The following CNTLN variants were observed in gnomAD, a reference collection of about 807,000 sequenced individuals.
The protein encoded by CNTLN is centlein, centrosomal protein.
A neutral mutation model predicts 180.0 loss-of-function variants in CNTLN; 212 were observed. That is an observed-to-expected ratio of 1.18 (90% confidence interval 1.05 to 1.32). CNTLN has a LOEUF of 1.32. Ranked by LOEUF, CNTLN falls within the 40% of genes most tolerant of loss-of-function variation. The pLI, the probability that CNTLN is intolerant of heterozygous loss-of-function variation, is 0.00. For synonymous variants in CNTLN, 722 were observed against 563.1 expected, an observed-to-expected ratio of 1.28 and a Z score of -3.99; for missense variants, 2,095 against 1,610.9, an observed-to-expected ratio of 1.30 and a Z score of -5.14.
At chr9:17,412,501 C>T (rs1310643463) in intron 16 of CNTLN, among the ~76,000 whole-genome samples, 2 of 152,142 alleles carry the variant, frequency 1.3e-5, no homozygotes. Context: ...GAAATTGATA[C>T]ATGTTTAGTA....
At chr9:17,273,900 G>A (rs559658585) in intron 6 of CNTLN, 34 bp downstream of exon 6, 2 of 1,434,430 alleles carry the variant, frequency 1.4e-6, no homozygotes, top group Admixed American at 4.9e-5. Context: ...TAACATCATA[G>A]AAATGTCATT....
intron 6 of CNTLN, among the ~76,000 whole-genome samples, chr9:17,293,985 A>G (rs903565270): frequency 1.3e-5 from 2 of 152,154 alleles, no homozygotes; most frequent in African/African-American, 2.4e-5. Flanking sequence ...GACTTCAAGA[A>G]TGAAGCCACG....
At chr9:17,143,398 T>C in intron 2 of CNTLN, 22 bp downstream of exon 2, 1 of 1,563,878 alleles carries the variant, frequency 6.4e-7, no homozygotes. Context: ...AATTATTTTT[T>C]CATGAGTATT....
the CNTLN span, among the ~76,000 whole-genome samples, chr9:17,512,232 T>C: frequency 6.6e-6 from 1 of 152,174 alleles, no homozygotes. Context: ...CATTAGAGAT[T>C]CAAAGCCAAA....
intron 5 of CNTLN, among the ~76,000 whole-genome samples, chr9:17,237,977 A>C (rs560116255): frequency 1.7e-4 from 26 of 152,168 alleles, no homozygotes; most frequent in African/African-American, 6.0e-4. Flanking sequence ...TGGAAGTGTG[A>C]TAAGGGTAAA....
At chr9:17,208,931 CTG>C (rs1823104004) in intron 2 of CNTLN, among the ~76,000 whole-genome samples, 1 of 151,466 alleles carries the variant, frequency 6.6e-6, no homozygotes, top group Non-Finnish European at 1.5e-5. Context: ...TGTTCTTTTT[CTG>C]TTTCAATTTC....
chr9:17,348,242 C>T (rs1822073717), intron 12 of CNTLN, among the ~76,000 whole-genome samples: 2 of 152,120 alleles, frequency 1.3e-5, no homozygotes. Flanking sequence ...AGCTTTACAC[C>T]ATCATAAAGT....
chr9:17,478,225 A>T (rs1048522471), intron 23 of CNTLN, among the ~76,000 whole-genome samples: 1 of 152,206 alleles, frequency 6.6e-6, no homozygotes, highest in Non-Finnish European at 1.5e-5. Context: ...ACATTGTATG[A>T]CTCACTTTAT....
intron 6 of CNTLN, among the ~76,000 whole-genome samples, chr9:17,280,375 A>T (rs1828589905): frequency 6.6e-6 from 1 of 152,172 alleles, no homozygotes; most frequent in Non-Finnish European, 1.5e-5. Flanking sequence ...GATTTTGCTT[A>T]TAACTACTCT....
At chr9:17,480,537 A>G (rs1469832236) in intron 23 of CNTLN, among the ~76,000 whole-genome samples, 3 of 152,228 alleles carry the variant, frequency 2.0e-5, no homozygotes, top group African/African-American at 7.2e-5. Context: ...TCAGAAATCA[A>G]TAATTCAAGT....
chr9:17,334,442 CACACAG>C (rs1820861449), intron 10 of CNTLN, among the ~76,000 whole-genome samples: 1 of 123,566 alleles, frequency 8.1e-6, no homozygotes, highest in Non-Finnish European at 1.8e-5. Context: ...CACACACACA[CACACAG>C]AACAATTATT....
intron 6 of CNTLN, among the ~76,000 whole-genome samples, chr9:17,281,624 T>G (rs1161731808): frequency 6.6e-6 from 1 of 152,166 alleles, no homozygotes; most frequent in Non-Finnish European, 1.5e-5. Flanking sequence ...TCTCGTTCCT[T>G]TTTATGGCTG....
At chr9:17,334,843 C>G (rs1820893079) in intron 10 of CNTLN, among the ~76,000 whole-genome samples, 1 of 151,042 alleles carries the variant, frequency 6.6e-6, no homozygotes, top group Non-Finnish European at 1.5e-5. Flanking sequence ...CAATAGAAGC[C>G]CAAACCTCAG....
intron 2 of CNTLN, among the ~76,000 whole-genome samples, chr9:17,183,004 C>G (rs1821216894): frequency 6.6e-6 from 1 of 152,124 alleles, no homozygotes; most frequent in Admixed American, 6.5e-5. Context: ...TCTGTGTCTT[C>G]AAAGTCTGGT....
intron 14 of CNTLN, among the ~76,000 whole-genome samples, chr9:17,393,171 C>A (rs1364062107): frequency 6.6e-6 from 1 of 152,004 alleles, no homozygotes; most frequent in Non-Finnish European, 1.5e-5. Context: ...CTTCTGGGGT[C>A]TCTTATAATA....
At chr9:17,283,807 G>A (rs978791815) in intron 6 of CNTLN, among the ~76,000 whole-genome samples, 3 of 152,088 alleles carry the variant, frequency 2.0e-5, no homozygotes, top group Non-Finnish European at 2.9e-5. Flanking sequence ...AACATGAAGC[G>A]ATGTTGAATT....
At chr9:17,406,851 C>T (rs1587910156) in intron 15 of CNTLN, among the ~76,000 whole-genome samples, 1 of 151,686 alleles carries the variant, frequency 6.6e-6, no homozygotes, top group Admixed American at 6.6e-5. Flanking sequence ...CGTCTCCCTC[C>T]TTCTGCCCCT....
chr9:17,465,584 C>CA (rs946735813), intron 21 of CNTLN, among the ~76,000 whole-genome samples: 2 of 146,678 alleles, frequency 1.4e-5, no homozygotes, highest in African/African-American at 4.9e-5. Context: ...TTATTTCATC[C>CA]AAAAAAAGGT....
chr9:17,142,606 A>T (rs1818181081), intron 1 of CNTLN, among the ~76,000 whole-genome samples: 1 of 152,126 alleles, frequency 6.6e-6, no homozygotes. Context: ...TGGTACTTAA[A>T]ATCATGGGCC....
Sources: gnomAD v4.1 joint callset for allele counts (sites outside exome capture counted in the v4.1 genomes callset) on GRCh38, gnomAD v4.1.1 for gene constraint, MANE v1.5 for transcripts, NCBI Gene and HGNC (gene_info 2026-07-23, HGNC 2026-07-21) for gene names.